TDRD9: variants seen among roughly 807,000 people sequenced by gnomAD.
The protein encoded by TDRD9 is tudor domain containing 9.
A neutral mutation model predicts 172.6 loss-of-function variants in TDRD9; 124 were observed. The observed-to-expected ratio is 0.72, with a 90% CI of 0.62 to 0.83. The LOEUF is 0.83. Ranked by LOEUF, TDRD9 falls within the 40% of genes least tolerant of loss-of-function variation. The pLI is 0.00. For missense variants in TDRD9, 1,479 were observed against 1,714.1 expected (o/e 0.86, Z 2.42); for synonymous variants, 619 against 617.1 (o/e 1.00, Z -0.05).
intron 1 of TDRD9, among the ~76,000 whole-genome samples, chr14:103,952,235 T>TA (rs2031960591): frequency 1.3e-4 from 6 of 46,406 alleles, no homozygotes; most frequent in Non-Finnish European, 2.4e-4. Flanking sequence ...TTTTTTTTTT[T>TA]TTTTTTTTTT....
intron 24 of TDRD9, among the ~76,000 whole-genome samples, chr14:104,023,655 A>C (rs2035031188): frequency 6.6e-6 from 1 of 152,240 alleles, no homozygotes; most frequent in African/African-American, 2.4e-5. Flanking sequence ...ATATCCCCAT[A>C]GTCACCTATG....
intron 32 of TDRD9, among the ~76,000 whole-genome samples, chr14:104,037,673 T>C (rs1348147634): frequency 6.6e-6 from 1 of 152,196 alleles, no homozygotes; most frequent in Non-Finnish European, 1.5e-5. Flanking sequence ...GCCAACTGGC[T>C]GTGGACTGAC....
rs763523350 is a variant in TDRD9 at position 104,004,275 on chromosome 14, G to T, written c.1521G>T (p.Arg507=). Residue 507 remains arginine (R), a synonymous_variant, in exon 14 of 36, where the codon CGG becomes CGT. Transcript: ENST00000409874. ...AGRVSRGYCY[R]LVHKDFWDNS... is the part of the protein sequence containing the mutation. Reference sequence around the variant, plus strand: ...GAGTGTCTAGAGGGTACTGTTACCGGCTGGTACACAAGGATTTCTGGGACA... The same window carrying T: ...GAGTGTCTAGAGGGTACTGTTACCGTCTGGTACACAAGGATTTCTGGGACA... 2.2e-5 allele frequency: 36 copies of T among 1,604,742 alleles called. No individual in the cohort carries two copies. The highest frequency in any genetic ancestry group is 2.8e-5 in the Non-Finnish European group (33 of 1,173,720).
Position 103,928,602 on chromosome 14 carries a change from CT to C in TDRD9, c.95del (p.Phe32SerfsTer50). The C allele has an allele frequency of 7.4e-7, 1 of 1,342,638 alleles. No individual in the cohort carries two copies. Among genetic ancestry groups the C allele is most frequent in the Non-Finnish European group, 9.7e-7 (1 of 1,028,628 alleles). 83.2% of individuals were successfully genotyped at this position (1,342,638 alleles called of 1,614,324 possible). A position where few individuals can be genotyped will look rare whatever the true frequency, so the allele number is the denominator to read the frequency against. On this transcript the variant is annotated frameshift_variant, in exon 1 of 36. Transcript: ENST00000409874. LOFTEE classifies it high-confidence loss of function. ...TGGAGCTGCTGGGCGCGCCGCCCGC[CT>C]TCCCGGCAGGGGCGGCCAGGGAGGA... ...NVELLGAPPA[F>X]PAGAAREEVQ...
At chr14:103,998,284 C>T (rs533788997) in intron 12 of TDRD9, among the ~76,000 whole-genome samples, 2 of 151,818 alleles carry the variant, frequency 1.3e-5, no homozygotes, top group South Asian at 4.2e-4. Flanking sequence ...TTCTGGCAGT[C>T]CCTTGCATCA....
chr14:104,044,517 T>C (rs2035708406), intron 34 of TDRD9, among the ~76,000 whole-genome samples: 1 of 152,226 alleles, frequency 6.6e-6, no homozygotes, highest in African/African-American at 2.4e-5. Flanking sequence ...TTTCTGTTTA[T>C]ATATTTGCCT....
intron 1 of TDRD9, among the ~76,000 whole-genome samples, chr14:103,948,371 G>A (rs908985998): frequency 6.6e-6 from 1 of 152,078 alleles, no homozygotes; most frequent in African/African-American, 2.4e-5. Flanking sequence ...TGGAGAAATT[G>A]GAACCCCTGT....
rs10593237 is a variant in TDRD9 at position 104,004,361 on chromosome 14, GTTTATTTATTTATTTA to G, written c.1581+48_1581+63del. 3.1e-4 allele frequency: 228 copies of G among 737,844 alleles called. 1 individual carries two copies. Among genetic ancestry groups the G allele is most frequent in the Non-Finnish European group, 3.5e-4 (153 of 435,320 alleles). The allele number at this position is 737,844 out of a possible 1,614,324, so 45.7% of individuals were successfully genotyped here. A position where few individuals can be genotyped will look rare whatever the true frequency, so the allele number is the denominator to read the frequency against. On this transcript the variant is annotated intron_variant, in intron 14 of 35. Coordinates refer to ENST00000409874, the MANE Select transcript of TDRD9 (RefSeq NM_153046.3). ...GTAATTCACTTTGGTCATTGTCAAA[GTTTATTTATTTATTTA>G]TTTATTTATTTATTTATTTATGAGA... is the stretch of plus-strand genomic sequence containing the variant.
At chr14:104,025,829 C>T (rs2035100292) in intron 26 of TDRD9, 53 bp downstream of exon 26, 7 of 1,383,238 alleles carry the variant, frequency 5.1e-6, no homozygotes, top group Non-Finnish European at 7.1e-6. Flanking sequence ...GACAGACGTA[C>T]AGCAGTTTAT....
intron 1 of TDRD9, among the ~76,000 whole-genome samples, chr14:103,952,052 GC>G (rs1041102566): frequency 3.3e-5 from 5 of 150,446 alleles, no homozygotes; most frequent in African/African-American, 1.2e-4. Context: ...ACCGGCGTGA[GC>G]CACCATGCCC....
At chr14:103,982,421 G>GCAGC (rs2033509880) in intron 7 of TDRD9, among the ~76,000 whole-genome samples, 1 of 152,126 alleles carries the variant, frequency 6.6e-6, no homozygotes, top group Admixed American at 6.6e-5. Context: ...CGTTAGGAGA[G>GCAGC]CTCTAGGTAA....
intron 20 of TDRD9, chr14:104,013,861 A>G (rs2034692041): frequency 6.6e-6 from 1 of 152,138 alleles, no homozygotes; most frequent in Non-Finnish European, 1.5e-5. Context: ...TCCTGTGTTG[A>G]TCCGTGTGGG....
intron 7 of TDRD9, among the ~76,000 whole-genome samples, chr14:103,982,056 C>T (rs545236327): frequency 6.6e-6 from 1 of 152,210 alleles, no homozygotes; most frequent in Non-Finnish European, 1.5e-5. Context: ...TCTGCTGTTA[C>T]AAGGGAGAAG....
At chr14:103,945,408 TTTA>T (rs2031507318) in intron 1 of TDRD9, 1 of 152,254 alleles carries the variant, frequency 6.6e-6, no homozygotes, top group Admixed American at 6.5e-5. Context: ...CCTTACAGAT[TTTA>T]TTTTGTCCTG....
chr14:103,929,371 CTTAGTA>C (rs750488080), intron 1 of TDRD9, among the ~76,000 whole-genome samples: 49 of 152,192 alleles, frequency 3.2e-4, no homozygotes, highest in Admixed American at 1.6e-3. Flanking sequence ...GTTTCTGTCA[CTTAGTA>C]TTAGTATGCA....
chr14:104,006,713 C>G lies in TDRD9; in HGVS notation c.1943+4C>G. 1 of 1,613,802 alleles carries G rather than the reference C, an allele frequency of 6.2e-7. No individual in the cohort carries two copies. The highest frequency in any genetic ancestry group is 8.5e-7 in the Non-Finnish European group (1 of 1,179,800). ...GGCAGCATCTCGATGGATATAGGTA[C>G]TGAACATTCATATTTTAAAGTGTCA... On this transcript the variant is annotated splice_donor_region_variant and intron_variant, in intron 17 of 35. Transcript: ENST00000409874.
intron 6 of TDRD9, among the ~76,000 whole-genome samples, chr14:103,973,628 T>A (rs1224349744): frequency 6.6e-6 from 1 of 152,254 alleles, no homozygotes; most frequent in African/African-American, 2.4e-5. Context: ...CATTCCAGGC[T>A]TGGCCTCTTG....
rs757841975 is a variant in TDRD9 at position 103,974,134 on chromosome 14, T to G, written c.847-1255T>G. ...AGAGGATCACTGAAGCCCAGGAGGCTGAGGTTGCAGTGAGCTGACATCACA... is the reference window on the plus strand; with the variant it reads ...AGAGGATCACTGAAGCCCAGGAGGCGGAGGTTGCAGTGAGCTGACATCACA... On this transcript the variant is annotated intron_variant, in intron 6 of 35. Coordinates refer to ENST00000409874, the MANE Select transcript of TDRD9 (RefSeq NM_153046.3). Among the ~76,000 whole-genome samples, 199 of 152,322 alleles carry G rather than the reference T, an allele frequency of 1.3e-3. 1 individual carries two copies. The highest frequency in any genetic ancestry group is 3.2e-3 in the Admixed American group (49 of 15,296).
intron 13 of TDRD9, among the ~76,000 whole-genome samples, chr14:104,001,480 A>G (rs1466909641): frequency 3.9e-5 from 6 of 152,192 alleles, no homozygotes; most frequent in South Asian, 2.1e-4. Flanking sequence ...GGTTTTTCCA[A>G]TTCTTGCCGT....
Sources: gnomAD v4.1 joint callset for allele counts (sites outside exome capture counted in the v4.1 genomes callset) on GRCh38, gnomAD v4.1.1 for gene constraint, MANE v1.5 for transcripts, NCBI Gene and HGNC (gene_info 2026-07-23, HGNC 2026-07-21) for gene names.